The following CFAP299 variants were observed in gnomAD, a reference collection of about 807,000 sequenced individuals.
CFAP299 encodes the protein cilia- and flagella-associated protein 299.
Under a neutral mutation model 27.0 loss-of-function variants are expected in CFAP299, and 21 were observed. That is an observed-to-expected ratio of 0.78 (90% CI 0.55 to 1.12). CFAP299 has a LOEUF of 1.12. Ranked by LOEUF, CFAP299 falls within the 50% of genes most tolerant of loss-of-function variation. CFAP299 has a pLI of 0.00. For synonymous variants in CFAP299, 104 were observed against 98.1 expected (o/e 1.06, Z -0.36); for missense variants, 310 against 276.6 (o/e 1.12, Z -0.86).
chr4:80,439,040 G>C (rs9990885), intron 2 of CFAP299, among the ~76,000 whole-genome samples: 2 of 151,826 alleles, frequency 1.3e-5, no homozygotes, highest in South Asian at 4.1e-4. Flanking sequence ...AGTATATAGT[G>C]TAGTTTTCCA....
chr4:80,886,120 C>T (rs1175821003), intron 4 of CFAP299, among the ~76,000 whole-genome samples: 1 of 152,144 alleles, frequency 6.6e-6, no homozygotes, highest in East Asian at 1.9e-4. Flanking sequence ...GCTCCTCTGC[C>T]TGTGGAAATG....
chr4:80,741,591 T>C (rs1724274785), intron 3 of CFAP299, among the ~76,000 whole-genome samples: 1 of 152,114 alleles, frequency 6.6e-6, no homozygotes, highest in Admixed American at 6.6e-5. Context: ...CTCTTTGCTC[T>C]CCTCTTTCTA....
chr4:80,386,512 TGGGGG>T (rs151251894), intron 2 of CFAP299: 2 of 1,469,884 alleles, frequency 1.4e-6, no homozygotes, highest in African/African-American at 3.0e-5. Context: ...CGGGCGGTGG[TGGGGG>T]GGGGGGGTGC....
chr4:80,902,632 T>A (rs1237814762), intron 4 of CFAP299, among the ~76,000 whole-genome samples: 2 of 107,816 alleles, frequency 1.9e-5, no homozygotes, highest in Non-Finnish European at 4.5e-5. Context: ...CACACTTTGG[T>A]GACTCCCTAG....
chr4:80,614,259 T>G (rs1240527292), intron 3 of CFAP299, among the ~76,000 whole-genome samples: 1 of 152,214 alleles, frequency 6.6e-6, no homozygotes, highest in Non-Finnish European at 1.5e-5. Flanking sequence ...ATATTTTAAG[T>G]CTTCAAGGAG....
At chr4:80,359,714 C>T (rs534815259) in intron 1 of CFAP299, among the ~76,000 whole-genome samples, 83 of 152,192 alleles carry the variant, frequency 5.5e-4, no homozygotes, top group Admixed American at 9.2e-4. Flanking sequence ...TGTCTGTCAG[C>T]ACCTGCATTG....
chr4:80,680,791 C>A (rs1719786845), intron 3 of CFAP299, among the ~76,000 whole-genome samples: 2 of 152,124 alleles, frequency 1.3e-5, no homozygotes, highest in African/African-American at 4.8e-5. Flanking sequence ...CATAGTCCAC[C>A]AGTCTACTAT....
intron 3 of CFAP299, among the ~76,000 whole-genome samples, chr4:80,612,873 A>C (rs1022504574): frequency 6.6e-6 from 1 of 152,102 alleles, no homozygotes; most frequent in African/African-American, 2.4e-5. Flanking sequence ...GTTCTTAACA[A>C]GTTTGATTGT....
chr4:80,886,467 C>G (rs1733977557), intron 4 of CFAP299, among the ~76,000 whole-genome samples: 1 of 152,160 alleles, frequency 6.6e-6, no homozygotes, highest in Non-Finnish European at 1.5e-5. Context: ...ACAAGAGTCT[C>G]TGCCTGGTAA....
At chr4:80,360,380 G>A (rs549902163) in intron 1 of CFAP299, among the ~76,000 whole-genome samples, 25 of 152,266 alleles carry the variant, frequency 1.6e-4, no homozygotes, top group African/African-American at 5.5e-4. Context: ...GTGGGTACAC[G>A]TCTAGGTGCC....
chr4:80,828,212 G>A (rs1730094275), intron 3 of CFAP299, among the ~76,000 whole-genome samples: 1 of 151,820 alleles, frequency 6.6e-6, no homozygotes, highest in African/African-American at 2.4e-5. Flanking sequence ...AATTCATATG[G>A]AATCTCAAGG....
rs541779976 is a variant in CFAP299, at chr4:80,628,579, A to G, written c.333+45396A>G. ...ATGGAAGAAAATGTTTGCAAACTGT[A>G]TATCTGTTATGGGGTTAATTTCCAA... On this transcript the variant is annotated intron_variant, in intron 3 of 5. Transcript: ENST00000358105. Among the ~76,000 whole-genome samples, 12 of 152,238 alleles carry G rather than the reference A, an allele frequency of 7.9e-5. No individual in the cohort carries two copies. The South Asian group carries it at 1.4e-3, about 18-fold the overall frequency.
intron 2 of CFAP299, among the ~76,000 whole-genome samples, chr4:80,539,764 A>T (rs937734192): frequency 3.3e-5 from 5 of 152,184 alleles, no homozygotes; most frequent in African/African-American, 1.2e-4. Context: ...AATCTAAGAA[A>T]ACACATTTTG....
intron 2 of CFAP299, among the ~76,000 whole-genome samples, chr4:80,402,416 G>A (rs916812285): frequency 6.6e-6 from 1 of 152,122 alleles, no homozygotes; most frequent in Non-Finnish European, 1.5e-5. Context: ...TCTCATGATA[G>A]CGAATAAGTA....
chr4:80,504,225 T>C (rs1731882396), intron 2 of CFAP299, among the ~76,000 whole-genome samples: 1 of 151,376 alleles, frequency 6.6e-6, no homozygotes, highest in South Asian at 2.1e-4. Flanking sequence ...AGAGAGAGCC[T>C]GGTAAGCATG....
At chr4:80,682,531 C>T (rs1040021418) in intron 3 of CFAP299, among the ~76,000 whole-genome samples, 1 of 151,898 alleles carries the variant, frequency 6.6e-6, no homozygotes. Context: ...ATTTTTCCAG[C>T]CCCTACTAAA....
At chr4:80,527,784 T>A (rs1733264217) in intron 2 of CFAP299, among the ~76,000 whole-genome samples, 2 of 152,086 alleles carry the variant, frequency 1.3e-5, no homozygotes, top group Non-Finnish European at 2.9e-5. Flanking sequence ...TTTTCAACAT[T>A]GTATGATTGA....
At chr4:80,907,487 CTGGGTGA>C (rs1309619639) in intron 4 of CFAP299, among the ~76,000 whole-genome samples, 3 of 152,174 alleles carry the variant, frequency 2.0e-5, no homozygotes, top group Non-Finnish European at 4.4e-5. Flanking sequence ...CTTCCTGAGA[CTGGGTGA>C]TTTATAAAGG....
intron 2 of CFAP299, among the ~76,000 whole-genome samples, chr4:80,414,199 T>C (rs1400635798): frequency 2.0e-5 from 3 of 149,408 alleles, no homozygotes; most frequent in African/African-American, 7.4e-5. Flanking sequence ...GCCTCCCAAG[T>C]AGCTGGGACT....
Sources: allele counts gnomAD v4.1 joint callset (sites outside exome capture counted in the v4.1 genomes callset), GRCh38; gene constraint gnomAD v4.1.1; transcripts MANE v1.5; gene names NCBI Gene and HGNC (gene_info 2026-07-23, HGNC 2026-07-21).